NAALADL2: variants seen among roughly 807,000 people sequenced by gnomAD.
NAALADL2 encodes N-acetylated alpha-linked acidic dipeptidase like 2, also known as inactive N-acetylated-alpha-linked acidic dipeptidase-like protein 2.
NAALADL2 carries 76 observed loss-of-function variants against 87.2 expected under a neutral mutation model. That is an observed-to-expected ratio of 0.87 (90% CI 0.72 to 1.05). The LOEUF (loss-of-function observed/expected upper bound fraction) is 1.05, where lower values mean the gene tolerates loss of function less well. Ranked by LOEUF, NAALADL2 falls within the 50% of genes least tolerant of loss-of-function variation. The probability of loss-of-function intolerance (pLI) is 0.00; values close to 1 mark genes in which losing one functional copy is unlikely to be tolerated. For synonymous variants in NAALADL2, 354 were observed against 331.0 expected (o/e 1.07, Z -0.75); for missense variants, 1,089 against 945.8 (o/e 1.15, Z -1.99).
At chr3:175,000,521 G>A (rs1473484526) in intron 1 of NAALADL2, among the ~76,000 whole-genome samples, 1 of 152,156 alleles carries the variant, frequency 6.6e-6, no homozygotes, top group Non-Finnish European at 1.5e-5. Context: ...AACCTCCAGT[G>A]TATGCCAACC....
At chr3:174,555,274 C>T (rs1210876159) in intron 2 of NAALADL2, among the ~76,000 whole-genome samples, 1 of 152,142 alleles carries the variant, frequency 6.6e-6, no homozygotes, top group Non-Finnish European at 1.5e-5. Flanking sequence ...ACACTGAAAT[C>T]TTCAGACAGA....
intron 9 of NAALADL2, among the ~76,000 whole-genome samples, chr3:175,539,002 G>C (rs925368878): frequency 6.6e-6 from 1 of 152,128 alleles, no homozygotes; most frequent in African/African-American, 2.4e-5. Context: ...AATTGGATTA[G>C]ATAAACTAAA....
chr3:175,755,215 A>G lies in NAALADL2; in HGVS notation c.1991-5A>G. 1 of 1,605,520 alleles carries G rather than the reference A, an allele frequency of 6.2e-7. No individual in the cohort carries two copies. The highest frequency in any genetic ancestry group is 1.7e-5 in the Admixed American group (1 of 59,120). ...TTCTGAGATGGGCTCATTTATCTTC[A>G]CCAGGTGATCAACCCAACACTCATC... On this transcript the variant is annotated splice_polypyrimidine_tract_variant and splice_region_variant and intron_variant, in intron 12 of 13. Coordinates refer to ENST00000454872, the MANE Select transcript of NAALADL2 (RefSeq NM_207015.3).
intron 1 of NAALADL2, among the ~76,000 whole-genome samples, chr3:175,044,307 C>T (rs1289408768): frequency 6.6e-6 from 1 of 152,092 alleles, no homozygotes; most frequent in Non-Finnish European, 1.5e-5. Context: ...GAACTGGACT[C>T]AAATGTTAGA....
chr3:174,502,855 C>G (rs1718981601), intron 1 of NAALADL2, among the ~76,000 whole-genome samples: 1 of 151,768 alleles, frequency 6.6e-6, no homozygotes, highest in Non-Finnish European at 1.5e-5. Context: ...ATGGTGAAAC[C>G]CCGTCTCTAC....
At chr3:175,069,757 C>G in intron 1 of NAALADL2, among the ~76,000 whole-genome samples, 1 of 151,814 alleles carries the variant, frequency 6.6e-6, no homozygotes, top group Admixed American at 6.6e-5. Context: ...GACTTGGAAC[C>G]AACGCAAATG....
intron 2 of NAALADL2, among the ~76,000 whole-genome samples, chr3:174,708,391 G>T (rs1319325306): frequency 6.6e-6 from 1 of 152,108 alleles, no homozygotes; most frequent in Admixed American, 6.5e-5. Flanking sequence ...TTGCATGCTT[G>T]ATCCATTTGA....
chr3:175,419,061 G>C (rs975823509), intron 5 of NAALADL2, among the ~76,000 whole-genome samples: 7 of 150,758 alleles, frequency 4.6e-5, no homozygotes, highest in African/African-American at 1.7e-4. Context: ...TGGTTAAATA[G>C]TGTACTCTAG....
At chr3:175,598,054 A>T (rs934135100) in intron 10 of NAALADL2, among the ~76,000 whole-genome samples, 1 of 151,966 alleles carries the variant, frequency 6.6e-6, no homozygotes, top group African/African-American at 2.4e-5. Flanking sequence ...TCTTCCAAAT[A>T]TTATTCTATG....
intron 3 of NAALADL2, among the ~76,000 whole-genome samples, chr3:174,798,017 T>C (rs1226395455): frequency 1.4e-5 from 2 of 143,788 alleles, no homozygotes; most frequent in Non-Finnish European, 3.1e-5. Context: ...TGATCTATAA[T>C]CAGTTAGTTT....
intron 2 of NAALADL2, among the ~76,000 whole-genome samples, chr3:175,182,420 C>G (rs1736701646): frequency 6.6e-6 from 1 of 151,868 alleles, no homozygotes; most frequent in Non-Finnish European, 1.5e-5. Flanking sequence ...CAGGGTCTCT[C>G]TCTGTCACCC....
At chr3:175,037,028 G>T (rs1450247968) in intron 1 of NAALADL2, among the ~76,000 whole-genome samples, 1 of 151,956 alleles carries the variant, frequency 6.6e-6, no homozygotes, top group Non-Finnish European at 1.5e-5. Flanking sequence ...GACAGTAGGG[G>T]TTCTGACCGA....
chr3:174,770,538 C>G (rs1560210446), intron 3 of NAALADL2, among the ~76,000 whole-genome samples: 1 of 152,136 alleles, frequency 6.6e-6, no homozygotes, highest in African/African-American at 2.4e-5. Context: ...TTAAGGAATA[C>G]ATAAGTTCTA....
In NAALADL2 at chr3:175,755,297, G is replaced by A. The variant is rs373871830; in HGVS notation, c.2068G>A (p.Glu690Lys). 1 of 1,613,686 alleles carries A rather than the reference G, an allele frequency of 6.2e-7. No individual in the cohort carries two copies. Among genetic ancestry groups the A allele is most frequent in the South Asian group, 1.1e-5 (1 of 91,020 alleles). ...GAGTGCTGAACTTTTTCAGTCTGAT[G>A]AGATGCGACCTGCTAATGATCCCAA... Reference protein sequence around the residue: ...RESAELFQSDEMRPANDPKER... With the variant: ...RESAELFQSDKMRPANDPKER... The change falls in exon 13 of 14, where the codon GAG (glutamate) becomes AAG (lysine). Residue 690 changes from glutamate (E) to lysine (K), a missense_variant. Coordinates refer to ENST00000454872, the MANE Select transcript of NAALADL2 (RefSeq NM_207015.3).
intron 2 of NAALADL2, among the ~76,000 whole-genome samples, chr3:175,204,606 G>A (rs1740547699): frequency 6.6e-6 from 1 of 151,966 alleles, no homozygotes; most frequent in Admixed American, 6.6e-5. Flanking sequence ...AGAGCAATTA[G>A]ACAAGAGAAA....
chr3:174,799,013 T>C (rs4298047), intron 3 of NAALADL2, among the ~76,000 whole-genome samples: 1 of 151,972 alleles, frequency 6.6e-6, no homozygotes. Context: ...GTACTAAAAA[T>C]ACAAAAATTA....
chr3:174,760,491 C>A (rs535013975), intron 3 of NAALADL2, among the ~76,000 whole-genome samples: 1 of 152,176 alleles, frequency 6.6e-6, no homozygotes, highest in Admixed American at 6.5e-5. Flanking sequence ...ACAGTCCAGA[C>A]AAGTAAGCCC....
At chr3:175,441,481 G>T (rs928682562) in intron 5 of NAALADL2, among the ~76,000 whole-genome samples, 3 of 152,140 alleles carry the variant, frequency 2.0e-5, no homozygotes, top group African/African-American at 4.8e-5. Flanking sequence ...CGCCAGTGCT[G>T]ATCTAATGTG....
chr3:174,884,487 TA>T (rs1729815974), intron 1 of NAALADL2, among the ~76,000 whole-genome samples: 1 of 152,104 alleles, frequency 6.6e-6, no homozygotes, highest in Non-Finnish European at 1.5e-5. Flanking sequence ...TCTTTAGCTG[TA>T]AAGTGGGTGC....
Sources: allele counts gnomAD v4.1 joint callset (sites outside exome capture counted in the v4.1 genomes callset), GRCh38; gene constraint gnomAD v4.1.1; transcripts MANE v1.5; gene names NCBI Gene and HGNC (gene_info 2026-07-23, HGNC 2026-07-21).